Variants in PLD5 observed in about 807,000 individuals in gnomAD.
PLD5 encodes the protein inactive phospholipase D5.
PLD5 carries 36 observed loss-of-function variants against 61.1 expected under a neutral mutation model. The ratio of observed to expected loss-of-function variants is 0.59; its 90% CI spans 0.45 to 0.78. PLD5 has a LOEUF of 0.78. Ranked by LOEUF, PLD5 falls within the 30% of genes least tolerant of loss-of-function variation. The pLI is 0.00. For synonymous variants in PLD5, 243 were observed against 242.8 expected (o/e 1.00, Z -0.01); for missense variants, 515 against 644.4 (o/e 0.80, Z 2.17).
chr1:242,202,041 C>A (rs990909110), intron 5 of PLD5, among the ~76,000 whole-genome samples: 10 of 151,970 alleles, frequency 6.6e-5, no homozygotes, highest in African/African-American at 2.4e-4. Context: ...ATGGTGAAAC[C>A]CCATCTCTAC....
At chr1:242,449,359 C>A (rs75401237) in intron 1 of PLD5, 15 of 1,536,106 alleles carry the variant, frequency 9.8e-6, no homozygotes, top group Non-Finnish European at 1.3e-5. Flanking sequence ...CTTACCATTG[C>A]GACCAATCTT....
intron 1 of PLD5, among the ~76,000 whole-genome samples, chr1:242,448,938 A>C (rs1208960871): frequency 6.6e-6 from 1 of 152,244 alleles, no homozygotes; most frequent in Admixed American, 6.5e-5. Flanking sequence ...CAAGCTGCTT[A>C]AGGATGAATG....
intron 1 of PLD5, among the ~76,000 whole-genome samples, chr1:242,387,648 CTATTTTATATAAAATTTTAT>C (rs1662673114): frequency 6.9e-6 from 1 of 145,172 alleles, no homozygotes; most frequent in African/African-American, 2.6e-5. Context: ...AAAATTTTAT[CTATTTTATATAAAATTTTAT>C]CTATTTTATA....
chr1:242,257,351 G>A (rs1285637807), intron 4 of PLD5, among the ~76,000 whole-genome samples: 2 of 152,126 alleles, frequency 1.3e-5, no homozygotes, highest in East Asian at 1.9e-4. Flanking sequence ...GAAGGGAGGG[G>A]GAAGAAAATA....
At chr1:242,119,019 C>T (rs1392243054) in intron 6 of PLD5, among the ~76,000 whole-genome samples, 5 of 152,124 alleles carry the variant, frequency 3.3e-5, no homozygotes, top group Non-Finnish European at 1.5e-5. Context: ...CTGTGTACTT[C>T]TTTGTTCCAT....
At position 242,465,808 on chromosome 1, in the gene PLD5, T is replaced by G. The variant is rs542038980; in HGVS notation, c.189+58280A>C. Among the ~76,000 whole-genome samples, 13 of 152,310 alleles carry G rather than the reference T, an allele frequency of 8.5e-5. No homozygotes were observed. In the East Asian group the frequency reaches 2.5e-3, roughly 29 times the overall value. ...AGCCAGGCATGGTGGCGGATGCCTG[T>G]AATCCCAGCTACTCGGGAGGCTGAG... On this transcript the variant is annotated intron_variant, in intron 1 of 9. Coordinates refer to ENST00000536534, the MANE Select transcript of PLD5 (RefSeq NM_001372062.1).
At chr1:242,438,756 T>C (rs1421770403) in intron 1 of PLD5, among the ~76,000 whole-genome samples, 1 of 152,124 alleles carries the variant, frequency 6.6e-6, no homozygotes, top group East Asian at 1.9e-4. Flanking sequence ...TTTGCAGAAG[T>C]AGTATTTTGG....
chr1:242,524,002 G>T (rs1307437654), intron 1 of PLD5, 86 bp downstream of exon 1: 1 of 1,384,868 alleles, frequency 7.2e-7, no homozygotes, highest in Non-Finnish European at 9.5e-7. Flanking sequence ...TGCCCCCCGC[G>T]CCCCGCGCGC....
intron 5 of PLD5, among the ~76,000 whole-genome samples, chr1:242,175,111 A>G (rs1667038286): frequency 6.6e-6 from 1 of 152,200 alleles, no homozygotes; most frequent in South Asian, 2.1e-4. Context: ...TGAGGCCAGC[A>G]TCATCCTGAT....
At chr1:242,178,395 C>T (rs1214542034) in intron 5 of PLD5, 2 of 152,194 alleles carry the variant, frequency 1.3e-5, no homozygotes, top group African/African-American at 2.4e-5. Flanking sequence ...ACTTGCATTG[C>T]TCTCATCTAT....
chr1:242,456,880 G>A (rs975147902), intron 1 of PLD5, among the ~76,000 whole-genome samples: 7 of 152,028 alleles, frequency 4.6e-5, no homozygotes, highest in Non-Finnish European at 7.4e-5. Context: ...CCGACACTGC[G>A]TCCGTAACAC....
intron 1 of PLD5, among the ~76,000 whole-genome samples, chr1:242,381,046 G>A (rs560114340): frequency 6.6e-6 from 1 of 152,250 alleles, no homozygotes; most frequent in Non-Finnish European, 1.5e-5. Context: ...TCCCATTACT[G>A]GGTATATACT....
intron 4 of PLD5, among the ~76,000 whole-genome samples, chr1:242,224,870 T>A: frequency 6.6e-6 from 1 of 152,346 alleles, no homozygotes; most frequent in East Asian, 1.9e-4. Context: ...TTCACCCTTT[T>A]GAGCATATAA....
chr1:242,373,378 G>A (rs1449702627), intron 1 of PLD5, among the ~76,000 whole-genome samples: 3 of 152,190 alleles, frequency 2.0e-5, no homozygotes, highest in African/African-American at 7.2e-5. Context: ...CAACCATTGT[G>A]GAAGACAGTG....
rs565381040 is a variant in PLD5, at chr1:242,086,989, G to C, written c.*2865C>G. ...AGTAATTCCTGGGATATTTAGGGGTGGGGGGGAATGGAGGTTGATAGTTTG... is the reference window on the plus strand; with the variant it reads ...AGTAATTCCTGGGATATTTAGGGGTCGGGGGGAATGGAGGTTGATAGTTTG... On this transcript the variant is annotated 3_prime_UTR_variant, in exon 10 of 10. Transcript: ENST00000536534. 25 of 151,894 alleles carry C rather than the reference G, an allele frequency of 1.6e-4. No individual in the cohort carries two copies. The highest frequency in any genetic ancestry group is 6.2e-4 in the South Asian group (3 of 4,808). The allele number at this position is 151,894 out of a possible 1,614,324, so 9.4% of individuals were successfully genotyped here. A position where few individuals can be genotyped will look rare whatever the true frequency, so the allele number is the denominator to read the frequency against.
In PLD5 at chr1:242,186,430, G is replaced by A. The variant is rs186975574; in HGVS notation, c.735+33558C>T. Among the ~76,000 whole-genome samples the A allele has an allele frequency of 9.2e-5, 14 of 152,172 alleles. No homozygotes were observed. The East Asian group carries it at 1.7e-3, about 19-fold the overall frequency. ...ACTCCTCACCTCAAGTGATCCACCC[G>A]CCTTGGCTTCCCCAAGTGCTGGGAT... is the stretch of plus-strand genomic sequence containing the variant. On this transcript the variant is annotated intron_variant, in intron 5 of 9. Coordinates refer to ENST00000536534, the MANE Select transcript of PLD5 (RefSeq NM_001372062.1).
intron 2 of PLD5, among the ~76,000 whole-genome samples, chr1:242,326,837 G>C (rs1658820919): frequency 6.6e-6 from 1 of 151,152 alleles, no homozygotes; most frequent in Non-Finnish European, 1.5e-5. Context: ...CTCCCAAGTA[G>C]CTAGGACCAC....
Position 242,215,043 on chromosome 1 carries a change from A to ATTT in PLD5, c.735+4942_735+4944dup, listed in dbSNP as rs34759131. Among the ~76,000 whole-genome samples, 3 of 120,600 alleles carry ATTT rather than the reference A, an allele frequency of 2.5e-5. No homozygotes were observed. The South Asian group carries it at 8.5e-4, about 34-fold the overall frequency. The allele number at this position is 120,600 out of a possible 152,430, so 79.1% of individuals were successfully genotyped here. ...TTGTGCCTGCCACCGTGCCTGGCCA[A>ATTT]TTTTTTTTTTTTTTTTTTGTATTTT... On this transcript the variant is annotated intron_variant, in intron 5 of 9. Coordinates refer to ENST00000536534, the MANE Select transcript of PLD5 (RefSeq NM_001372062.1).
At chr1:242,177,489 A>C (rs2148893205) in intron 5 of PLD5, among the ~76,000 whole-genome samples, 1 of 152,246 alleles carries the variant, frequency 6.6e-6, no homozygotes, top group South Asian at 2.1e-4. Flanking sequence ...GGGTGCAGCA[A>C]ACCACCATGG....
Sources: gnomAD v4.1 joint callset for allele counts (sites outside exome capture counted in the v4.1 genomes callset) on GRCh38, gnomAD v4.1.1 for gene constraint, MANE v1.5 for transcripts, NCBI Gene and HGNC (gene_info 2026-07-23, HGNC 2026-07-21) for gene names.